Variants in POLR1B observed in about 807,000 individuals in gnomAD.
POLR1B encodes the protein RNA polymerase I subunit B.
Under a neutral mutation model 105.8 loss-of-function variants are expected in POLR1B, and 30 were observed. That is an observed-to-expected ratio of 0.28 (90% CI 0.21 to 0.38). The LOEUF is 0.38. Among genes scored for constraint, POLR1B ranks in the 10% least tolerant of loss-of-function variants. The pLI is 1.00. For synonymous variants in POLR1B, 485 were observed against 505.1 expected (o/e 0.96, Z 0.53); for missense variants, 976 against 1,435.8 (o/e 0.68, Z 5.17).
At position 112,564,337 on chromosome 2, in the gene POLR1B, G is replaced by A. The variant is rs1452054612; in HGVS notation, c.1613-29G>A. On this transcript the variant is annotated intron_variant, in intron 9 of 14. Coordinates refer to ENST00000263331, the MANE Select transcript of POLR1B (RefSeq NM_019014.6). ...GGAATGTTGGATGAAGCATTCTGAT[G>A]TGATTGTGCTGTTTGTTTCCTTTAC... 4 of 1,611,576 alleles carry A rather than the reference G, an allele frequency of 2.5e-6. No individual in the cohort carries two copies. The African/African-American group carries it at 4.0e-5, about 16-fold the overall frequency.
chr2:112,568,185 T>TATAC (rs1323919590), intron 11 of POLR1B, 48 bp downstream of exon 11: 1 of 1,526,048 alleles, frequency 6.6e-7, no homozygotes, highest in South Asian at 1.2e-5. Flanking sequence ...GTTTGTATAG[T>TATAC]ATACAACTTT....
At chr2:112,561,337 C>T (rs553970129) in intron 9 of POLR1B, among the ~76,000 whole-genome samples, 52 of 152,164 alleles carry the variant, frequency 3.4e-4, no homozygotes, top group African/African-American at 1.2e-3. Flanking sequence ...AAGACGGAAT[C>T]GCTACCTAAC....
At chr2:112,557,877 C>T in intron 7 of POLR1B, 33 bp from the exon 8 acceptor site, 1 of 1,163,052 alleles carries the variant, frequency 8.6e-7, no homozygotes, top group Non-Finnish European at 1.1e-6. Flanking sequence ...GGCTCACATA[C>T]TATTTTATAT....
intron 3 of POLR1B, among the ~76,000 whole-genome samples, chr2:112,548,557 G>T (rs1683181416): frequency 6.6e-6 from 1 of 151,664 alleles, no homozygotes; most frequent in Non-Finnish European, 1.5e-5. Flanking sequence ...TCAAGTTTTT[G>T]AACGTATTTG....
At chr2:112,552,878 T>C (rs983478097) in intron 7 of POLR1B, 62 bp downstream of exon 7, 1 of 1,368,314 alleles carries the variant, frequency 7.3e-7, no homozygotes, top group Non-Finnish European at 9.6e-7. Flanking sequence ...CGTGACTTTG[T>C]CCAGCAGCAC....
At chr2:112,546,491 T>TA (rs1683048030) in intron 1 of POLR1B, among the ~76,000 whole-genome samples, 2 of 148,342 alleles carry the variant, frequency 1.3e-5, no homozygotes, top group Non-Finnish European at 3.0e-5. Flanking sequence ...CTTGTACTAA[T>TA]AATGCTTTGT....
intron 4 of POLR1B, among the ~76,000 whole-genome samples, chr2:112,549,689 A>T (rs1384111277): frequency 2.0e-5 from 3 of 151,938 alleles, no homozygotes; most frequent in African/African-American, 7.3e-5. Context: ...TTAAGTTTTC[A>T]TAATTGGGAT....
chr2:112,561,776 T>C (rs1684001070), intron 9 of POLR1B, among the ~76,000 whole-genome samples: 1 of 152,198 alleles, frequency 6.6e-6, no homozygotes, highest in African/African-American at 2.4e-5. Flanking sequence ...TTTGCATTTA[T>C]GAACACTAGG....
chr2:112,543,509 C>A (rs1365378930), intron 1 of POLR1B, among the ~76,000 whole-genome samples: 3 of 152,114 alleles, frequency 2.0e-5, no homozygotes, highest in African/African-American at 7.2e-5. Context: ...TAGATGAGTT[C>A]AAGAAGTGAG....
chr2:112,565,559 CT>C (rs1684233387), intron 10 of POLR1B, among the ~76,000 whole-genome samples: 1 of 151,222 alleles, frequency 6.6e-6, no homozygotes, highest in Non-Finnish European at 1.5e-5. Context: ...TTTTTCTTTT[CT>C]TTTCTTTTTT....
At chr2:112,563,341 C>T (rs1684108103) in intron 9 of POLR1B, among the ~76,000 whole-genome samples, 1 of 152,178 alleles carries the variant, frequency 6.6e-6, no homozygotes, top group Non-Finnish European at 1.5e-5. Flanking sequence ...AGGCGTGAGC[C>T]ACCACGCCTG....
chr2:112,556,796 G>A (rs1256052734), intron 7 of POLR1B, among the ~76,000 whole-genome samples: 3 of 152,248 alleles, frequency 2.0e-5, no homozygotes, highest in Middle Eastern at 3.4e-3. Context: ...CGCTGATGGT[G>A]TATAGTCTTT....
At position 112,549,445 on chromosome 2, in the gene POLR1B, A is replaced by G. The variant is rs150460475; in HGVS notation, c.625+46A>G. 351 of 1,456,738 alleles carry G rather than the reference A, an allele frequency of 2.4e-4. 3 individuals carry two copies. The East Asian group carries it at 7.6e-3, about 32-fold the overall frequency. The allele number at this position is 1,456,738 out of a possible 1,614,324, so 90.2% of individuals were successfully genotyped here. Reference sequence around the variant, plus strand: ...GAATATTTTTTAAGGAAAATTTAAAACTTTTTTTTTTTTTGAAGTAGATGC... The same window carrying G: ...GAATATTTTTTAAGGAAAATTTAAAGCTTTTTTTTTTTTTGAAGTAGATGC... On this transcript the variant is annotated intron_variant, in intron 4 of 14. Coordinates refer to ENST00000263331, the MANE Select transcript of POLR1B (RefSeq NM_019014.6).
intron 1 of POLR1B, among the ~76,000 whole-genome samples, chr2:112,543,005 C>G (rs1404969757): frequency 6.6e-6 from 1 of 152,190 alleles, no homozygotes; most frequent in Non-Finnish European, 1.5e-5. Context: ...GAAGACTTAC[C>G]TCTCCAAAAC....
At chr2:112,552,910 T>A in intron 7 of POLR1B, 94 bp downstream of exon 7, 1 of 1,203,900 alleles carries the variant, frequency 8.3e-7, no homozygotes, top group African/African-American at 1.6e-5. Flanking sequence ...TGTTTATAGT[T>A]TCTAGTTTTG....
chr2:112,547,706 A>G, intron 3 of POLR1B, 139 bp downstream of exon 3: 1 of 879,606 alleles, frequency 1.1e-6, no homozygotes. Context: ...GCCTGCATAC[A>G]GTGTATGGCT....
intron 13 of POLR1B, 31 bp downstream of exon 13, chr2:112,572,789 C>CT (rs775741532): frequency 1.3e-6 from 2 of 1,503,318 alleles, no homozygotes; most frequent in African/African-American, 1.4e-5. Flanking sequence ...TTGTTCCAAT[C>CT]TTTTTATTTT....
chr2:112,553,826 ATG>A, intron 7 of POLR1B: 1 of 152,318 alleles, frequency 6.6e-6, no homozygotes, highest in Non-Finnish European at 1.5e-5. Flanking sequence ...GTGGTTTTAT[ATG>A]TGTTAATTCA....
intron 11 of POLR1B, 93 bp from the exon 12 acceptor site, chr2:112,568,653 C>T: frequency 2.8e-6 from 4 of 1,432,434 alleles, no homozygotes; most frequent in Non-Finnish European, 3.8e-6. Flanking sequence ...ATGGTTTTCT[C>T]TTGAGTCTTT....
Sources: allele counts gnomAD v4.1 joint callset (sites outside exome capture counted in the v4.1 genomes callset), GRCh38; gene constraint gnomAD v4.1.1; transcripts MANE v1.5; gene names NCBI Gene and HGNC (gene_info 2026-07-23, HGNC 2026-07-21).